AP2B1: variants seen among roughly 807,000 people sequenced by gnomAD.
AP2B1 encodes the protein adaptor related protein complex 2 subunit beta 1.
Under a neutral mutation model 102.0 loss-of-function variants are expected in AP2B1, and 23 were observed. The ratio of observed to expected loss-of-function variants is 0.23; its 90% CI spans 0.16 to 0.32. The LOEUF (loss-of-function observed/expected upper bound fraction) is 0.32. Among genes scored for constraint, AP2B1 ranks in the 10% least tolerant of loss-of-function variants. The pLI is 1.00. For synonymous variants in AP2B1, 381 were observed against 421.2 expected (o/e 0.90, Z 1.17); for missense variants, 541 against 1,157.4 (o/e 0.47, Z 7.73).
At chr17:35,609,552 T>A (rs2073794732) in intron 5 of AP2B1, among the ~76,000 whole-genome samples, 1 of 152,172 alleles carries the variant, frequency 6.6e-6, no homozygotes, top group Admixed American at 6.5e-5. Context: ...CTTCACCGTG[T>A]TAGCCAGGAT....
chr17:35,659,561 G>C (rs1003150294), intron 14 of AP2B1, among the ~76,000 whole-genome samples: 1 of 152,152 alleles, frequency 6.6e-6, no homozygotes, highest in African/African-American at 2.4e-5. Flanking sequence ...TGCTTGGATT[G>C]TAGTAGCCAA....
rs903905322 is a variant in AP2B1, at chr17:35,632,660, GT to G, written c.1156-3669del. Among the ~76,000 whole-genome samples, 98 of 143,032 alleles carry G rather than the reference GT, an allele frequency of 6.9e-4. 1 individual carries two copies. The highest frequency in any genetic ancestry group is 1.6e-3 in the African/African-American group (64 of 39,268). 93.8% of individuals were successfully genotyped at this position (143,032 alleles called of 152,430 possible). A position where few individuals can be genotyped will look rare whatever the true frequency, so the allele number is the denominator to read the frequency against. On this transcript the variant is annotated intron_variant, in intron 9 of 21. Coordinates refer to ENST00000610402, the MANE Select transcript of AP2B1 (RefSeq NM_001030006.2). ...CCTCTGCCATACTGCTTTAATGGTAGTTTTTTTTTTTTAATCAAAAGCAGTA... is the reference window on the plus strand; with the variant it reads ...CCTCTGCCATACTGCTTTAATGGTAGTTTTTTTTTTTAATCAAAAGCAGTA...
chr17:35,710,613 C>A (rs2076426796), intron 20 of AP2B1, among the ~76,000 whole-genome samples: 1 of 152,212 alleles, frequency 6.6e-6, no homozygotes, highest in Non-Finnish European at 1.5e-5. Context: ...TCCTAATAAT[C>A]AAAAACTGAA....
intron 2 of AP2B1, among the ~76,000 whole-genome samples, chr17:35,596,519 C>CT (rs35095177): frequency 0.61 from 88,033 of 143,378 alleles, 27,052 homozygotes; most frequent in Non-Finnish European, 0.63. Flanking sequence ...CTATTTCTTT[C>CT]TTTTTTTTTT....
chr17:35,640,243 T>TTA (rs377259335), intron 11 of AP2B1, among the ~76,000 whole-genome samples: 14,180 of 146,506 alleles, frequency 0.097, 956 homozygotes, highest in African/African-American at 0.17. Flanking sequence ...TTTTTTTTTT[T>TTA]TTTTTTTTTT....
At chr17:35,672,822 T>C (rs1187580038) in intron 16 of AP2B1, among the ~76,000 whole-genome samples, 1 of 152,176 alleles carries the variant, frequency 6.6e-6, no homozygotes, top group Non-Finnish European at 1.5e-5. Context: ...GTAAATAATG[T>C]AAAAATGTAA....
chr17:35,703,129 G>A (rs894352746), intron 18 of AP2B1, among the ~76,000 whole-genome samples: 29 of 151,964 alleles, frequency 1.9e-4, no homozygotes, highest in African/African-American at 5.3e-4. Context: ...AAAATTAGCC[G>A]GGCGTGGTGG....
intron 20 of AP2B1, among the ~76,000 whole-genome samples, chr17:35,715,022 C>T (rs781906694): frequency 3.9e-5 from 6 of 152,226 alleles, no homozygotes; most frequent in Admixed American, 6.5e-5. Flanking sequence ...CTTCCCTTGC[C>T]ATTCATCATA....
At chr17:35,594,142 T>TG (rs1256506791) in intron 2 of AP2B1, 75 bp downstream of exon 2, 2 of 894,816 alleles carry the variant, frequency 2.2e-6, no homozygotes, top group Non-Finnish European at 3.5e-6. Flanking sequence ...GGCAGAATGC[T>TG]GCTGACCTCT....
chr17:35,646,140 G>T (rs1315601410), intron 12 of AP2B1, among the ~76,000 whole-genome samples: 2 of 152,194 alleles, frequency 1.3e-5, no homozygotes, highest in African/African-American at 4.8e-5. Flanking sequence ...TGCTGGCCTG[G>T]TAAGTATTGT....
chr17:35,696,348 G>A (rs1468788815), intron 18 of AP2B1, among the ~76,000 whole-genome samples: 1 of 151,846 alleles, frequency 6.6e-6, no homozygotes, highest in African/African-American at 2.4e-5. Flanking sequence ...AGGATGGGAG[G>A]TGAGGGGAAT....
intron 20 of AP2B1, among the ~76,000 whole-genome samples, chr17:35,715,519 T>C (rs1292801220): frequency 6.6e-6 from 1 of 152,138 alleles, no homozygotes; most frequent in Non-Finnish European, 1.5e-5. Flanking sequence ...CCTAGAAAGT[T>C]AGGAATGATT....
At chr17:35,600,934 C>T (rs1041264085) in intron 3 of AP2B1, 1 of 886,816 alleles carries the variant, frequency 1.1e-6, no homozygotes, top group African/African-American at 1.8e-5. Flanking sequence ...TCTCTTGCTC[C>T]AGGTGCTGCT....
rs1335576257 is a variant in AP2B1, at chr17:35,671,622, A to T, written c.2032-132A>T. 4.5e-6 allele frequency: 4 copies of T among 880,134 alleles called. No homozygotes were observed. In the East Asian group the frequency reaches 7.3e-5, roughly 16 times the overall value. 54.5% of individuals were successfully genotyped at this position (880,134 alleles called of 1,614,324 possible). ...AAAAGATGAAGAATATACTAATTTG[A>T]CTCCTAAGAATATTGTAATTATGGT... On this transcript the variant is annotated intron_variant, in intron 15 of 21. Transcript: ENST00000610402.
intron 8 of AP2B1, 42 bp from the exon 9 acceptor site, chr17:35,627,575 CTGTGAGATTGCTAT>C: frequency 6.2e-7 from 1 of 1,612,560 alleles, no homozygotes; most frequent in African/African-American, 1.3e-5. Flanking sequence ...AGAAGCTAGG[CTGTGAGATTGCTAT>C]TTGAGAATCC....
At chr17:35,597,431 C>T (rs532766868) in intron 2 of AP2B1, among the ~76,000 whole-genome samples, 4 of 152,108 alleles carry the variant, frequency 2.6e-5, no homozygotes, top group Admixed American at 2.0e-4. Flanking sequence ...GTTTACAGTG[C>T]GGAGCCTAAG....
intron 11 of AP2B1, 73 bp downstream of exon 11, chr17:35,639,833 A>G (rs2074715937): frequency 1.5e-6 from 2 of 1,367,976 alleles, no homozygotes; most frequent in South Asian, 2.7e-5. Context: ...AGCAAAGGTT[A>G]TAGGCAGTTT....
Position 35,596,712 on chromosome 17 carries a change from G to C in AP2B1, c.38-1518G>C, listed in dbSNP as rs938080748. Among the ~76,000 whole-genome samples, 5 of 152,246 alleles carry C rather than the reference G, an allele frequency of 3.3e-5. No individual in the cohort carries two copies. In the East Asian group the frequency reaches 9.7e-4, roughly 29 times the overall value. On this transcript the variant is annotated intron_variant, in intron 2 of 21. Coordinates refer to ENST00000610402, the MANE Select transcript of AP2B1 (RefSeq NM_001030006.2). ...CTTCACGTCCAGCTCCAGCTGCCCG[G>C]TGTAGAAGCCCACGGCGGCGCACAC...
chr17:35,718,033 GAA>G (rs2143012074), intron 21 of AP2B1, among the ~76,000 whole-genome samples: 1 of 152,256 alleles, frequency 6.6e-6, no homozygotes, highest in Admixed American at 6.5e-5. Context: ...TCTGCATTTT[GAA>G]AAGTAAAGGA....
Sources: gnomAD v4.1 joint callset for allele counts (sites outside exome capture counted in the v4.1 genomes callset) on GRCh38, gnomAD v4.1.1 for gene constraint, MANE v1.5 for transcripts, NCBI Gene and HGNC (gene_info 2026-07-23, HGNC 2026-07-21) for gene names.